MS4A4A: variants seen among roughly 807,000 people sequenced by gnomAD.
MS4A4A encodes membrane spanning 4-domains A4A.
A neutral mutation model predicts 28.0 loss-of-function variants in MS4A4A; 26 were observed. That is an observed-to-expected ratio of 0.93 (90% confidence interval 0.68 to 1.29). The LOEUF is 1.29. Among genes scored for constraint, MS4A4A ranks in the 50% most tolerant of loss-of-function variants. The probability of loss-of-function intolerance (pLI) is 0.00; values close to 1 mark genes in which losing one functional copy is unlikely to be tolerated. For synonymous variants in MS4A4A, 86 were observed against 100.8 expected, an observed-to-expected ratio of 0.85 and a Z score of 0.88; for missense variants, 290 against 293.1, an observed-to-expected ratio of 0.99 and a Z score of 0.08.
At chr11:60,304,664 A>T (rs1249003639) in intron 5 of MS4A4A, among the ~76,000 whole-genome samples, 2 of 152,254 alleles carry the variant, frequency 1.3e-5, no homozygotes, top group Non-Finnish European at 1.5e-5. Context: ...ATAAAGTTTA[A>T]TTGAAATACA....
intron 5 of MS4A4A, among the ~76,000 whole-genome samples, chr11:60,305,381 G>C (rs973662872): frequency 6.6e-6 from 1 of 152,194 alleles, no homozygotes; most frequent in African/African-American, 2.4e-5. Flanking sequence ...GTGTTGGCAA[G>C]GCCATACTCC....
Position 60,306,143 on chromosome 11 carries a change from G to A in MS4A4A, c.590G>A (p.Cys197Tyr). Reference protein sequence around the residue: ...MVLLLSVLEFCIAVSLSAFGC... With the variant: ...MVLLLSVLEFYIAVSLSAFGC... ...CTCCTCCTAAGTGTGCTGGAATTCTGCATTGCTGTGTCCCTCTCTGCCTTT... is the reference window on the plus strand; with the variant it reads ...CTCCTCCTAAGTGTGCTGGAATTCTACATTGCTGTGTCCCTCTCTGCCTTT... Residue 197 changes from cysteine (C) to tyrosine (Y), a missense_variant, in exon 6 of 7, where the codon TGC becomes TAC. Physicochemically the swap from Cys to Tyr is radical, Grantham distance 194. Coordinates refer to ENST00000337908, the MANE Select transcript of MS4A4A (RefSeq NM_148975.3). 4 of 1,614,054 alleles carry A rather than the reference G, an allele frequency of 2.5e-6. No individual in the cohort carries two copies. Among genetic ancestry groups the A allele is most frequent in the Non-Finnish European group, 3.4e-6 (4 of 1,179,868 alleles).
intron 3 of MS4A4A, among the ~76,000 whole-genome samples, chr11:60,300,342 C>A (rs1447308653): frequency 6.6e-6 from 1 of 152,028 alleles, no homozygotes; most frequent in Non-Finnish European, 1.5e-5. Flanking sequence ...ATTGGCCGGG[C>A]GCAGTGGCTC....
chr11:60,300,685 T>C (rs2084946405), intron 3 of MS4A4A, among the ~76,000 whole-genome samples: 1 of 150,056 alleles, frequency 6.7e-6, no homozygotes, highest in African/African-American at 2.5e-5. Flanking sequence ...TGTTTAAATA[T>C]AGTCATCAAT....
At chr11:60,287,152 T>G in intron 1 of MS4A4A, among the ~76,000 whole-genome samples, 1 of 152,246 alleles carries the variant, frequency 6.6e-6, no homozygotes, top group East Asian at 1.9e-4. Context: ...AGACTTGTAC[T>G]GTCCTCCCAC....
intron 3 of MS4A4A, among the ~76,000 whole-genome samples, chr11:60,297,709 T>C (rs1461826172): frequency 1.3e-5 from 2 of 152,166 alleles, no homozygotes; most frequent in African/African-American, 4.8e-5. Flanking sequence ...AGAGGGGAGA[T>C]GGTTGACACA....
intron 2 of MS4A4A, among the ~76,000 whole-genome samples, chr11:60,294,452 A>T (rs1376454702): frequency 2.0e-5 from 3 of 152,062 alleles, no homozygotes; most frequent in Non-Finnish European, 4.4e-5. Flanking sequence ...AGAACTTTTT[A>T]ATTTTAAGAA....
In MS4A4A at chr11:60,308,320, A is replaced by T; in HGVS notation, c.*142A>T. 1 of 721,902 alleles carries T rather than the reference A, an allele frequency of 1.4e-6. No individual in the cohort carries two copies. Among genetic ancestry groups the T allele is most frequent in the Non-Finnish European group, 2.3e-6 (1 of 432,960 alleles). 44.7% of individuals were successfully genotyped at this position (721,902 alleles called of 1,614,324 possible). A position where few individuals can be genotyped will look rare whatever the true frequency, so the allele number is the denominator to read the frequency against. ...ATTATTATATGTAATCCAATTATGA[A>T]CTGTGTGTGTATAGAGAGATAATAA... On this transcript the variant is annotated 3_prime_UTR_variant, in exon 7 of 7. Transcript: ENST00000337908.
chr11:60,306,266 C>G, intron 6 of MS4A4A, 65 bp downstream of exon 6: 1 of 1,260,658 alleles, frequency 7.9e-7, no homozygotes, highest in Non-Finnish European at 1.2e-6. Context: ...ATCGATTACA[C>G]ACACTTAGAG....
At chr11:60,284,596 CTT>C (rs2084787418) in intron 1 of MS4A4A, among the ~76,000 whole-genome samples, 1 of 152,142 alleles carries the variant, frequency 6.6e-6, no homozygotes, top group African/African-American at 2.4e-5. Context: ...GATTGTCCTC[CTT>C]TTTTGCTCTC....
chr11:60,282,947 AG>A (rs1314521338), intron 1 of MS4A4A, among the ~76,000 whole-genome samples: 64 of 152,354 alleles, frequency 4.2e-4, no homozygotes, highest in African/African-American at 1.5e-3. Context: ...GAACATTCAG[AG>A]GCTATAATGA....
At chr11:60,292,119 G>A (rs1370262650) in intron 1 of MS4A4A, 106 bp from the exon 2 acceptor site, 1 of 1,328,466 alleles carries the variant, frequency 7.5e-7, no homozygotes, top group Non-Finnish European at 1.0e-6. Flanking sequence ...GATATGGGAA[G>A]AGAATGTAGA....
chr11:60,307,628 T>A (rs1391191654), intron 6 of MS4A4A, among the ~76,000 whole-genome samples: 1 of 152,212 alleles, frequency 6.6e-6, no homozygotes, highest in African/African-American at 2.4e-5. Flanking sequence ...TCTCTTCCTG[T>A]TCTTCCACCA....
intron 5 of MS4A4A, among the ~76,000 whole-genome samples, chr11:60,303,061 T>C (rs2084967066): frequency 6.6e-6 from 1 of 152,228 alleles, no homozygotes. Context: ...GGCCCTGATG[T>C]CAGTCCCTAT....
intron 1 of MS4A4A, among the ~76,000 whole-genome samples, chr11:60,291,684 G>A (rs577671931): frequency 1.3e-5 from 2 of 151,564 alleles, no homozygotes; most frequent in East Asian, 3.9e-4. Flanking sequence ...TGTAGTAACA[G>A]CTACTCGGGA....
intron 2 of MS4A4A, among the ~76,000 whole-genome samples, 167 bp downstream of exon 2, chr11:60,292,551 C>T (rs2084866845): frequency 6.6e-6 from 1 of 152,188 alleles, no homozygotes; most frequent in Admixed American, 6.5e-5. Flanking sequence ...AGTATTCTGT[C>T]ACAACATGCT....
At chr11:60,285,961 G>A (rs2084799849) in intron 1 of MS4A4A, among the ~76,000 whole-genome samples, 1 of 152,176 alleles carries the variant, frequency 6.6e-6, no homozygotes, top group Non-Finnish European at 1.5e-5. Flanking sequence ...GGTGCTGCAG[G>A]AGACCAGGGT....
chr11:60,296,925 A>G, intron 2 of MS4A4A: 1 of 372,172 alleles, frequency 2.7e-6, no homozygotes, highest in Non-Finnish European at 5.0e-6. Flanking sequence ...TAGAAGTAAC[A>G]TCGTAGGTAT....
At chr11:60,297,115 T>G in intron 2 of MS4A4A, 82 bp from the exon 3 acceptor site, 1 of 1,517,744 alleles carries the variant, frequency 6.6e-7, no homozygotes, top group Non-Finnish European at 9.1e-7. Context: ...AGAATAAGGA[T>G]AGCTTAGTGA....
Sources: allele counts gnomAD v4.1 joint callset (sites outside exome capture counted in the v4.1 genomes callset), GRCh38; gene constraint gnomAD v4.1.1; transcripts MANE v1.5; gene names NCBI Gene and HGNC (gene_info 2026-07-23, HGNC 2026-07-21).